NRG1: variants seen among roughly 807,000 people sequenced by gnomAD.
NRG1 encodes neuregulin 1, also known as pro-neuregulin-1, membrane-bound isoform.
Under a neutral mutation model 63.8 loss-of-function variants are expected in NRG1, and 18 were observed. The ratio of observed to expected loss-of-function variants is 0.28; its 90% CI spans 0.19 to 0.42. NRG1 has a LOEUF of 0.42. Ranked by LOEUF, NRG1 falls within the 10% of genes least tolerant of loss-of-function variation. The probability of loss-of-function intolerance (pLI) is 1.00; values close to 1 mark genes in which losing one functional copy is unlikely to be tolerated. For missense variants in NRG1, 762 were observed against 814.7 expected, an observed-to-expected ratio of 0.94 and a Z score of 0.79; for synonymous variants, 302 against 301.3, an observed-to-expected ratio of 1.00 and a Z score of -0.02.
intron 1 of NRG1, among the ~76,000 whole-genome samples, chr8:31,751,483 A>G (rs1445769551): frequency 6.6e-6 from 1 of 151,988 alleles, no homozygotes; most frequent in African/African-American, 2.4e-5. Context: ...AGTGTGGGAG[A>G]GTACTATATA....
At chr8:32,025,897 G>C (rs1254638281) in intron 1 of NRG1, among the ~76,000 whole-genome samples, 1 of 141,932 alleles carries the variant, frequency 7.0e-6, no homozygotes, top group African/African-American at 2.6e-5. Context: ...AGTGAGCCGA[G>C]ATCCCGCCGC....
intron 3 of NRG1, among the ~76,000 whole-genome samples, chr8:32,614,004 G>A (rs533174061): frequency 1.6e-4 from 25 of 151,988 alleles, no homozygotes; most frequent in Non-Finnish European, 3.1e-4. Context: ...CATATGATAA[G>A]CACCTGTCTT....
intron 1 of NRG1, among the ~76,000 whole-genome samples, chr8:31,740,463 A>T (rs2131396620): frequency 6.6e-6 from 1 of 152,154 alleles, no homozygotes; most frequent in South Asian, 2.1e-4. Context: ...CTAAAAATAG[A>T]GTTCAGTGAT....
chr8:32,179,350 A>G (rs1236337281), intron 1 of NRG1, among the ~76,000 whole-genome samples: 1 of 152,138 alleles, frequency 6.6e-6, no homozygotes, highest in African/African-American at 2.4e-5. Flanking sequence ...GTGTAGCAAT[A>G]CGTTTCTGCC....
intron 1 of NRG1, among the ~76,000 whole-genome samples, chr8:32,279,124 T>A (rs1323645144): frequency 6.6e-6 from 1 of 152,222 alleles, no homozygotes; most frequent in Non-Finnish European, 1.5e-5. Flanking sequence ...GAGACGCTGC[T>A]ACTTGAGGGC....
chr8:32,066,796 G>A (rs1296834830), intron 1 of NRG1, among the ~76,000 whole-genome samples: 1 of 152,048 alleles, frequency 6.6e-6, no homozygotes, highest in Non-Finnish European at 1.5e-5. Context: ...CCATTTTCAT[G>A]ATATTGATTC....
intron 1 of NRG1, among the ~76,000 whole-genome samples, chr8:31,668,596 G>C (rs1806792189): frequency 6.6e-6 from 1 of 152,202 alleles, no homozygotes; most frequent in South Asian, 2.1e-4. Context: ...TTGAAGACTA[G>C]ATATTTGGAA....
chr8:32,482,179 G>A (rs1037458753), intron 1 of NRG1, among the ~76,000 whole-genome samples: 6 of 151,814 alleles, frequency 4.0e-5, no homozygotes, highest in Non-Finnish European at 2.9e-5. Context: ...ATGCATAATC[G>A]TTGTTGTGCT....
intron 1 of NRG1, among the ~76,000 whole-genome samples, chr8:31,929,904 T>C (rs10098397): frequency 0.041 from 6,271 of 152,310 alleles, 459 homozygotes; most frequent in African/African-American, 0.14. Flanking sequence ...CCCAAGCCTG[T>C]CTTTTGACCT....
chr8:32,639,046 T>A (rs2090218585), intron 5 of NRG1, among the ~76,000 whole-genome samples: 1 of 151,972 alleles, frequency 6.6e-6, no homozygotes, highest in African/African-American at 2.4e-5. Flanking sequence ...AGAAAAAAAA[T>A]GTGTGTACTC....
In NRG1 at chr8:32,082,201, G is replaced by GT. The variant is rs1289000648; in HGVS notation, c.37+442770_37+442771insT. Among the ~76,000 whole-genome samples the GT allele has an allele frequency of 1.2e-3, 15 of 12,732 alleles. No homozygotes were observed. In the South Asian group the frequency reaches 0.043, roughly 36 times the overall value. 8.4% of individuals were successfully genotyped at this position (12,732 alleles called of 152,430 possible). On this transcript the variant is annotated intron_variant, in intron 1 of 10. Transcript: ENST00000519301. The stretch of plus-strand genomic sequence containing the variant: ...AATAGGAGTATGTTTTCAACCTAGT[G>GT]GTTTTTTTTTTTAATTTTTATTTTA...
intron 1 of NRG1, among the ~76,000 whole-genome samples, chr8:31,984,701 T>C (rs1809749857): frequency 6.6e-6 from 1 of 152,088 alleles, no homozygotes; most frequent in South Asian, 2.1e-4. Context: ...GCCAAGATTA[T>C]GATGAAAAAA....
chr8:31,987,880 T>C (rs1001348566), intron 1 of NRG1, among the ~76,000 whole-genome samples: 1 of 152,096 alleles, frequency 6.6e-6, no homozygotes, highest in African/African-American at 2.4e-5. Context: ...ACCAGGTCTT[T>C]ACCTTCATTT....
At chr8:31,733,635 C>T (rs1021888395) in intron 1 of NRG1, among the ~76,000 whole-genome samples, 1 of 152,112 alleles carries the variant, frequency 6.6e-6, no homozygotes, top group Non-Finnish European at 1.5e-5. Context: ...CAGAAAAGTC[C>T]AGGTTACACC....
At chr8:32,495,603 C>T (rs532887457) in intron 1 of NRG1, among the ~76,000 whole-genome samples, 69 of 152,176 alleles carry the variant, frequency 4.5e-4, no homozygotes, top group Admixed American at 1.2e-3. Context: ...GCTGGGATTA[C>T]AGGCGCTCGC....
At position 32,639,546 on chromosome 8, in the gene NRG1, G is replaced by A. The variant is rs1306433821; in HGVS notation, c.502+22661G>A. Among the ~76,000 whole-genome samples, 5 of 152,160 alleles carry A rather than the reference G, an allele frequency of 3.3e-5. 1 individual carries two copies. Among genetic ancestry groups the A allele is most frequent in the Non-Finnish European group, 7.3e-5 (5 of 68,034 alleles). ...TATTTTATACATGGGCTTATGTGAAGTTTCAGTCTCTTGAATAGCTGGTAC... is the reference window on the plus strand; with the variant it reads ...TATTTTATACATGGGCTTATGTGAAATTTCAGTCTCTTGAATAGCTGGTAC... On this transcript the variant is annotated intron_variant, in intron 5 of 11. Coordinates refer to ENST00000356819, the Ensembl canonical transcript of NRG1.
At chr8:31,938,947 T>C (rs1801349462) in intron 1 of NRG1, among the ~76,000 whole-genome samples, 1 of 152,156 alleles carries the variant, frequency 6.6e-6, no homozygotes, top group East Asian at 1.9e-4. Context: ...ATAACTAGTG[T>C]TCCCGAGGAA....
chr8:31,860,155 C>G (rs1828337924), intron 1 of NRG1, among the ~76,000 whole-genome samples: 1 of 152,278 alleles, frequency 6.6e-6, no homozygotes, highest in African/African-American at 2.4e-5. Context: ...AAACTGAGAG[C>G]AAAGCCAAAG....
chr8:32,524,923 CA>C (rs1205527992), intron 1 of NRG1, among the ~76,000 whole-genome samples: 4 of 152,174 alleles, frequency 2.6e-5, no homozygotes, highest in African/African-American at 9.7e-5. Flanking sequence ...TCAAATTTAT[CA>C]ACGAAATCAC....
Sources: allele counts gnomAD v4.1 joint callset (sites outside exome capture counted in the v4.1 genomes callset), GRCh38; gene constraint gnomAD v4.1.1; transcripts MANE v1.5; gene names NCBI Gene and HGNC (gene_info 2026-07-23, HGNC 2026-07-21).